The following VEPH1 variants were observed in gnomAD, a reference collection of about 807,000 sequenced individuals.
VEPH1 encodes ventricular zone-expressed PH domain-containing protein homolog 1.
VEPH1 carries 80 observed loss-of-function variants against 85.2 expected under a neutral mutation model. The observed-to-expected ratio is 0.94, with a 90% CI of 0.78 to 1.13. The LOEUF (loss-of-function observed/expected upper bound fraction) is 1.13. Among genes scored for constraint, VEPH1 ranks in the 50% most tolerant of loss-of-function variants. The pLI is 0.00. For missense variants in VEPH1, 955 were observed against 980.5 expected (o/e 0.97, Z 0.35); for synonymous variants, 297 against 348.0 (o/e 0.85, Z 1.63).
In VEPH1 at chr3:157,355,688, C is replaced by G. The variant is rs574965365; in HGVS notation, c.1735+7676G>C. Among the ~76,000 whole-genome samples the G allele has an allele frequency of 2.6e-5, 4 of 152,280 alleles. No individual in the cohort carries two copies. In the South Asian group the frequency reaches 8.3e-4, roughly 32 times the overall value. ...GATCATCTGTAAAAAGTAGTTTTTA[C>G]TTACATGTATAAACTACAGGGTTTT... On this transcript the variant is annotated intron_variant, in intron 9 of 13. Transcript: ENST00000362010.
At chr3:157,278,206 T>C (rs971003569) in intron 12 of VEPH1, among the ~76,000 whole-genome samples, 3 of 152,210 alleles carry the variant, frequency 2.0e-5, no homozygotes, top group East Asian at 3.8e-4. Flanking sequence ...GACCTCAGTA[T>C]GCATCGGGGG....
chr3:157,469,272 G>C (rs1736693113), intron 3 of VEPH1, among the ~76,000 whole-genome samples: 1 of 152,118 alleles, frequency 6.6e-6, no homozygotes, highest in Admixed American at 6.5e-5. Flanking sequence ...TCAATTCCTA[G>C]ACTGAGCAGA....
intron 9 of VEPH1, among the ~76,000 whole-genome samples, chr3:157,357,585 C>T (rs759699905): frequency 5.3e-5 from 8 of 151,234 alleles, no homozygotes; most frequent in Non-Finnish European, 1.2e-4. Flanking sequence ...CTCTGCCTCC[C>T]AGGTTCAAGC....
chr3:157,349,104 T>C (rs1289477106), intron 9 of VEPH1, among the ~76,000 whole-genome samples: 1 of 151,992 alleles, frequency 6.6e-6, no homozygotes, highest in Non-Finnish European at 1.5e-5. Context: ...CAGGCCAATA[T>C]CCCTGATGAA....
intron 9 of VEPH1, among the ~76,000 whole-genome samples, chr3:157,323,802 A>G (rs1721609192): frequency 6.6e-6 from 1 of 152,204 alleles, no homozygotes; most frequent in African/African-American, 2.4e-5. Flanking sequence ...TTTTGAGGAA[A>G]AAAATAAAAA....
At chr3:157,301,933 C>T (rs570310420) in intron 11 of VEPH1, among the ~76,000 whole-genome samples, 11 of 152,270 alleles carry the variant, frequency 7.2e-5, no homozygotes, top group African/African-American at 2.6e-4. Context: ...AAAGACAATT[C>T]CACTGGGACA....
chr3:157,425,495 A>T lies in VEPH1; in HGVS notation c.696+2827T>A, dbSNP rs181300320. On this transcript the variant is annotated intron_variant, in intron 5 of 13. Coordinates refer to ENST00000362010, the MANE Select transcript of VEPH1 (RefSeq NM_001167912.2). ...CATCAGTGTGACTCGGATGCGAGAC[A>T]TGGAGTCAATGGAGATCATTTCGGA... 8.5e-5 allele frequency among the ~76,000 whole-genome samples: 13 copies of T among 152,282 alleles called. No homozygotes were observed. The East Asian group carries it at 1.4e-3, about 16-fold the overall frequency.
At chr3:157,263,032 A>G (rs13081036) in intron 13 of VEPH1, among the ~76,000 whole-genome samples, 60,387 of 151,676 alleles carry the variant, frequency 0.4, 12,422 homozygotes, top group East Asian at 0.57. Context: ...TTGCCTAGCT[A>G]GTTTGTGGAG....
At chr3:157,267,373 A>G (rs1213585259) in intron 12 of VEPH1, among the ~76,000 whole-genome samples, 1 of 151,458 alleles carries the variant, frequency 6.6e-6, no homozygotes, top group African/African-American at 2.4e-5. Context: ...CTGGGATTAC[A>G]GGTGTGAGCC....
rs1458199497 is a variant in VEPH1, at chr3:157,265,515, G to T, written c.2265+11C>A. The T allele has an allele frequency of 1.9e-6, 3 of 1,610,082 alleles. No individual in the cohort carries two copies. The highest frequency in any genetic ancestry group is 2.2e-5 in the South Asian group (2 of 90,554). Reference sequence around the variant, plus strand: ...AAAAATGCAAGTGTAAAAGATGATGGAGGAACTTACAGACTTTCCTTTTTG... The same window carrying T: ...AAAAATGCAAGTGTAAAAGATGATGTAGGAACTTACAGACTTTCCTTTTTG... On this transcript the variant is annotated intron_variant, in intron 13 of 13. Transcript: ENST00000362010.
At chr3:157,359,444 G>T (rs1054512913) in intron 9 of VEPH1, among the ~76,000 whole-genome samples, 1 of 152,186 alleles carries the variant, frequency 6.6e-6, no homozygotes, top group Non-Finnish European at 1.5e-5. Context: ...AAATACTAGA[G>T]ACCTACAAGG....
At chr3:157,435,874 C>T (rs750897809) in intron 4 of VEPH1, among the ~76,000 whole-genome samples, 2 of 152,268 alleles carry the variant, frequency 1.3e-5, no homozygotes, top group East Asian at 1.9e-4. Context: ...ATATAATGTC[C>T]ACATAATACC....
At chr3:157,450,198 G>A (rs1450071603) in intron 4 of VEPH1, among the ~76,000 whole-genome samples, 1 of 151,544 alleles carries the variant, frequency 6.6e-6, no homozygotes, top group African/African-American at 2.4e-5. Flanking sequence ...TGAGACTACA[G>A]GTGCACACCA....
In VEPH1 at chr3:157,324,205, G is replaced by A. The variant is rs180675983; in HGVS notation, c.1736-7004C>T. Among the ~76,000 whole-genome samples the A allele has an allele frequency of 4.4e-3, 672 of 152,128 alleles. 1 individual carries two copies. The highest frequency in any genetic ancestry group is 9.0e-3 in the African/African-American group (374 of 41,502). ...TGAGTAGCTGGGATTACAGGCATGC[G>A]CCACCATGCCTGGCTAATTTTTTTG... On this transcript the variant is annotated intron_variant, in intron 9 of 13. Transcript: ENST00000362010.
Position 157,335,285 on chromosome 3 carries a change from C to T in VEPH1, c.1736-18084G>A, listed in dbSNP as rs888978063. Among the ~76,000 whole-genome samples the T allele has an allele frequency of 6.6e-5, 10 of 151,124 alleles. 1 individual carries two copies. Among genetic ancestry groups the T allele is most frequent in the Middle Eastern group, 6.4e-3 (2 of 312 alleles). On this transcript the variant is annotated intron_variant, in intron 9 of 13. Coordinates refer to ENST00000362010, the MANE Select transcript of VEPH1 (RefSeq NM_001167912.2). The stretch of plus-strand genomic sequence containing the variant: ...TAGTGGCCTGTGCTTGTAGTTCCAG[C>T]TACTTTGGGGGCTGCGGTGGGAGGA...
chr3:157,264,349 C>T (rs1254014696), intron 13 of VEPH1, among the ~76,000 whole-genome samples: 1 of 152,190 alleles, frequency 6.6e-6, no homozygotes, highest in East Asian at 1.9e-4. Context: ...GACTGAATTA[C>T]ACCACCAGTT....
intron 7 of VEPH1, among the ~76,000 whole-genome samples, chr3:157,369,108 AAAC>A (rs998656163): frequency 2.7e-4 from 40 of 149,988 alleles, no homozygotes; most frequent in Admixed American, 1.4e-3. Flanking sequence ...ACCCACCTCT[AAAC>A]AACAACAACC....
In VEPH1 at chr3:157,260,103, T is replaced by G. The variant is rs1271412864; in HGVS notation, c.*1031A>C. 6.6e-6 allele frequency: 1 copy of G among 152,148 alleles called. No homozygotes were observed. The highest frequency in any genetic ancestry group is 1.5e-5 in the Non-Finnish European group (1 of 68,014). The allele number at this position is 152,148 out of a possible 1,614,324, so 9.4% of individuals were successfully genotyped here. A position where few individuals can be genotyped will look rare whatever the true frequency, so the allele number is the denominator to read the frequency against. On this transcript the variant is annotated 3_prime_UTR_variant, in exon 14 of 14. Transcript: ENST00000362010. ...TAGAAACCTTATGTATATCTGCAAC[T>G]TCTCTTCACTTTTGTTATATAACAT...
chr3:157,438,264 G>A (rs1733831466), intron 4 of VEPH1, among the ~76,000 whole-genome samples: 1 of 152,054 alleles, frequency 6.6e-6, no homozygotes, highest in South Asian at 2.1e-4. Context: ...CCACTGGCCC[G>A]TTATAACCGT....
Sources: gnomAD v4.1 joint callset for allele counts (sites outside exome capture counted in the v4.1 genomes callset) on GRCh38, gnomAD v4.1.1 for gene constraint, MANE v1.5 for transcripts, NCBI Gene and HGNC (gene_info 2026-07-23, HGNC 2026-07-21) for gene names.